CSDC2: variants seen among roughly 807,000 people sequenced by gnomAD.
CSDC2 encodes cold shock domain-containing protein C2.
In CSDC2, 8 loss-of-function variants were observed where a neutral mutation model predicts 15.8. That is an observed-to-expected ratio of 0.51 (90% CI 0.30 to 0.92). The LOEUF (loss-of-function observed/expected upper bound fraction) is 0.92, where lower values mean the gene tolerates loss of function less well. Among genes scored for constraint, CSDC2 ranks in the 40% least tolerant of loss-of-function variants. The probability of loss-of-function intolerance (pLI) is 0.07; values close to 1 mark genes in which losing one functional copy is unlikely to be tolerated. For missense variants in CSDC2, 195 were observed against 213.3 expected (o/e 0.91, Z 0.53); for synonymous variants, 96 against 92.3 (o/e 1.04, Z -0.23).
intron 1 of CSDC2, among the ~76,000 whole-genome samples, chr22:41,562,994 G>C (rs1385608728): frequency 6.6e-6 from 1 of 152,040 alleles, no homozygotes; most frequent in Non-Finnish European, 1.5e-5. Context: ...GGTGGGACTG[G>C]GGTGCGTATT....
chr22:41,574,635 G>A lies in CSDC2; in HGVS notation c.300-98G>A. On this transcript the variant is annotated intron_variant, in intron 3 of 3. Coordinates refer to ENST00000306149, the MANE Select transcript of CSDC2 (RefSeq NM_014460.4). ...AGGCCTGGCCAGGCCTCCTGGCCTA[G>A]GGAGGCTTAGGGCCAGGCTGCCCCC... 4 of 1,432,740 alleles carry A rather than the reference G, an allele frequency of 2.8e-6. No individual in the cohort carries two copies. In the East Asian group the frequency reaches 9.7e-5, roughly 35 times the overall value. 88.8% of individuals were successfully genotyped at this position (1,432,740 alleles called of 1,614,324 possible). A position where few individuals can be genotyped will look rare whatever the true frequency, so the allele number is the denominator to read the frequency against.
At chr22:41,569,893 C>T (rs932514694) in intron 1 of CSDC2, among the ~76,000 whole-genome samples, 2 of 150,772 alleles carry the variant, frequency 1.3e-5, no homozygotes, top group African/African-American at 4.9e-5. Flanking sequence ...AATTCTCATG[C>T]CTCAGCCTTC....
At chr22:41,563,334 T>G (rs1292621047) in intron 1 of CSDC2, among the ~76,000 whole-genome samples, 2 of 151,944 alleles carry the variant, frequency 1.3e-5, no homozygotes, top group East Asian at 3.9e-4. Context: ...GGTCCTGAGT[T>G]TGTTTTCTCA....
intron 1 of CSDC2, among the ~76,000 whole-genome samples, chr22:41,561,764 C>T (rs1237996098): frequency 6.6e-6 from 1 of 152,220 alleles, no homozygotes; most frequent in East Asian, 1.9e-4. Context: ...GGTACCACCC[C>T]ACCCCGAGCC....
At chr22:41,567,659 T>C (rs962651282) in intron 1 of CSDC2, among the ~76,000 whole-genome samples, 1 of 152,114 alleles carries the variant, frequency 6.6e-6, no homozygotes, top group African/African-American at 2.4e-5. Flanking sequence ...ACACAGTAGG[T>C]CAATAGCAAT....
At chr22:41,566,783 C>T (rs1257459023) in intron 1 of CSDC2, among the ~76,000 whole-genome samples, 4 of 148,564 alleles carry the variant, frequency 2.7e-5, no homozygotes, top group Non-Finnish European at 3.0e-5. Flanking sequence ...AAAAATTAGC[C>T]GTGCGTGGTG....
chr22:41,572,223 G>T, intron 2 of CSDC2, 82 bp downstream of exon 2: 1 of 1,170,842 alleles, frequency 8.5e-7, no homozygotes, highest in Non-Finnish European at 1.1e-6. Flanking sequence ...AACTCCTGTT[G>T]TCCTCACCTG....
rs2067166264 is a variant in CSDC2, at chr22:41,574,754, A to C, written c.321A>C (p.Pro107=). The C allele has an allele frequency of 6.2e-7, 1 of 1,613,802 alleles. No homozygotes were observed. Among genetic ancestry groups the C allele is most frequent in the East Asian group, 2.2e-5 (1 of 44,878 alleles). Reference sequence around the variant, plus strand: ...CCAGCATCGAGGGGGAGTACGTGCCAGTGGAGGGCGACGAGGTGACCTACA... The same window carrying C: ...CCAGCATCGAGGGGGAGTACGTGCCCGTGGAGGGCGACGAGGTGACCTACA... ...HVSDIEGEYV[P]VEGDEVTYKM... is the part of the protein sequence containing the mutation. The change falls in exon 4 of 4, where the codon CCA becomes CCC. Residue 107 remains proline, a synonymous_variant. Coordinates refer to ENST00000306149, the MANE Select transcript of CSDC2 (RefSeq NM_014460.4).
At chr22:41,561,954 G>T (rs1387803051) in intron 1 of CSDC2, among the ~76,000 whole-genome samples, 2 of 152,226 alleles carry the variant, frequency 1.3e-5, no homozygotes, top group African/African-American at 4.8e-5. Context: ...AAGGAGTCCA[G>T]GCGGAGATAA....
At chr22:41,567,066 C>A (rs1027956958) in intron 1 of CSDC2, among the ~76,000 whole-genome samples, 1 of 152,134 alleles carries the variant, frequency 6.6e-6, no homozygotes, top group Non-Finnish European at 1.5e-5. Flanking sequence ...GGAGATGGCC[C>A]CAGAAGGACA....
At chr22:41,565,578 A>G (rs2067110137) in intron 1 of CSDC2, among the ~76,000 whole-genome samples, 1 of 152,076 alleles carries the variant, frequency 6.6e-6, no homozygotes, top group Non-Finnish European at 1.5e-5. Flanking sequence ...TGGGTGACAA[A>G]GTGATACCCT....
chr22:41,567,751 T>G (rs2067123654), intron 1 of CSDC2, among the ~76,000 whole-genome samples: 1 of 152,242 alleles, frequency 6.6e-6, no homozygotes, highest in African/African-American at 2.4e-5. Flanking sequence ...CAGACTTTGA[T>G]TGGTGTGTGT....
At chr22:41,570,497 T>C (rs1431834740) in intron 1 of CSDC2, among the ~76,000 whole-genome samples, 1 of 152,022 alleles carries the variant, frequency 6.6e-6, no homozygotes, top group Non-Finnish European at 1.5e-5. Flanking sequence ...ACCTTGTGGG[T>C]GATTTTCCTT....
At chr22:41,571,772 T>A in intron 1 of CSDC2, 71 bp from the exon 2 acceptor site, 2 of 385,068 alleles carry the variant, frequency 5.2e-6, no homozygotes, top group Non-Finnish European at 4.6e-6. Context: ...CCAGCCCTCC[T>A]CACTGTGGCC....
Position 41,576,335 on chromosome 22 carries a change from G to A in CSDC2, c.*1440G>A, listed in dbSNP as rs1244664098. 6.6e-6 allele frequency: 1 copy of A among 152,252 alleles called. No homozygotes were observed. Among genetic ancestry groups the A allele is most frequent in the Non-Finnish European group, 1.5e-5 (1 of 68,110 alleles). 9.4% of individuals were successfully genotyped at this position (152,252 alleles called of 1,614,324 possible). A position where few individuals can be genotyped will look rare whatever the true frequency, so the allele number is the denominator to read the frequency against. ...AATCTGGGAGCCCAGAGCTGCTGAGGTGTGGTCAGCTCCCCTAAAATGGGC... is the reference window on the plus strand; with the variant it reads ...AATCTGGGAGCCCAGAGCTGCTGAGATGTGGTCAGCTCCCCTAAAATGGGC... On this transcript the variant is annotated 3_prime_UTR_variant, in exon 4 of 4. Transcript: ENST00000306149.
chr22:41,567,102 T>C (rs912390656), intron 1 of CSDC2, among the ~76,000 whole-genome samples: 1 of 152,202 alleles, frequency 6.6e-6, no homozygotes, highest in African/African-American at 2.4e-5. Flanking sequence ...GAGCTGGCCT[T>C]TAGCTCTGTT....
intron 1 of CSDC2, among the ~76,000 whole-genome samples, chr22:41,563,994 G>A (rs1282401095): frequency 6.6e-6 from 1 of 150,726 alleles, no homozygotes; most frequent in Non-Finnish European, 1.5e-5. Context: ...TGAGCCAGGA[G>A]AATGGCGGGA....
At chr22:41,569,969 G>A (rs191536757) in intron 1 of CSDC2, among the ~76,000 whole-genome samples, 3 of 151,718 alleles carry the variant, frequency 2.0e-5, no homozygotes, top group Admixed American at 6.6e-5. Flanking sequence ...TAGGAGAGAC[G>A]GGGTTTCACC....
At chr22:41,566,949 G>A (rs866930749) in intron 1 of CSDC2, among the ~76,000 whole-genome samples, 1 of 151,782 alleles carries the variant, frequency 6.6e-6, no homozygotes, top group Admixed American at 6.6e-5. Flanking sequence ...AAAAAGGGAG[G>A]GTCACAAAAC....
Sources: allele counts gnomAD v4.1 joint callset (sites outside exome capture counted in the v4.1 genomes callset), GRCh38; gene constraint gnomAD v4.1.1; transcripts MANE v1.5; gene names NCBI Gene and HGNC (gene_info 2026-07-23, HGNC 2026-07-21).